Variants in TTC28 observed in about 807,000 individuals in gnomAD.
TTC28 encodes tetratricopeptide repeat protein 28.
Under a neutral mutation model 198.0 loss-of-function variants are expected in TTC28, and 61 were observed. The observed-to-expected ratio is 0.31, with a 90% CI of 0.25 to 0.38. TTC28 has a LOEUF of 0.38. TTC28 is among the 10% of genes least tolerant of loss of function. The pLI is 1.00. For synonymous variants in TTC28, 1,171 were observed against 1,297.8 expected, an observed-to-expected ratio of 0.90 and a Z score of 2.10; for missense variants, 2,678 against 3,164.0, an observed-to-expected ratio of 0.85 and a Z score of 3.69.
chr22:28,588,754 A>T (rs1032300404), intron 2 of TTC28, among the ~76,000 whole-genome samples: 4 of 152,218 alleles, frequency 2.6e-5, no homozygotes, highest in African/African-American at 9.6e-5. Flanking sequence ...CCATGTCCAC[A>T]GACAGTCAAT....
chr22:28,342,792 C>A (rs1201114081), intron 2 of TTC28, among the ~76,000 whole-genome samples: 3 of 152,174 alleles, frequency 2.0e-5, no homozygotes, highest in Non-Finnish European at 4.4e-5. Flanking sequence ...AGCTCTTGAT[C>A]ACATTATAGC....
intron 1 of TTC28, among the ~76,000 whole-genome samples, chr22:28,637,403 T>C (rs1338546213): frequency 6.6e-6 from 1 of 152,226 alleles, no homozygotes; most frequent in East Asian, 1.9e-4. Context: ...ATAGCCAGTT[T>C]TCCCAGGACC....
chr22:28,359,163 G>C (rs999611233), intron 2 of TTC28, among the ~76,000 whole-genome samples: 26 of 152,160 alleles, frequency 1.7e-4, no homozygotes, highest in African/African-American at 6.0e-4. Context: ...TTTATGAACT[G>C]AATTCTAGAA....
intron 6 of TTC28, among the ~76,000 whole-genome samples, chr22:28,125,676 CATA>C (rs1942897282): frequency 6.6e-6 from 1 of 152,150 alleles, no homozygotes; most frequent in South Asian, 2.1e-4. Flanking sequence ...GGCAGTAGTT[CATA>C]AAGATCTGCT....
intron 2 of TTC28, among the ~76,000 whole-genome samples, chr22:28,396,145 A>T (rs1359262675): frequency 6.6e-6 from 1 of 152,218 alleles, no homozygotes; most frequent in African/African-American, 2.4e-5. Flanking sequence ...CTAAAAGAAA[A>T]ACTTGACTTT....
At chr22:28,243,158 C>A (rs1297976141) in intron 5 of TTC28, among the ~76,000 whole-genome samples, 1 of 103,078 alleles carries the variant, frequency 9.7e-6, no homozygotes, top group Non-Finnish European at 1.9e-5. Flanking sequence ...GGCAACCTGG[C>A]AAAACCCCCT....
chr22:28,549,017 C>CT (rs1353058930), intron 2 of TTC28, among the ~76,000 whole-genome samples: 1 of 151,814 alleles, frequency 6.6e-6, no homozygotes, highest in Non-Finnish European at 1.5e-5. Flanking sequence ...CTAAATTCTA[C>CT]TTTTTTTTCT....
intron 3 of TTC28, among the ~76,000 whole-genome samples, chr22:28,306,081 T>C (rs2045138780): frequency 6.6e-6 from 1 of 152,202 alleles, no homozygotes; most frequent in African/African-American, 2.4e-5. Context: ...AAATGTCTTA[T>C]TTGAGTATTT....
chr22:28,461,162 T>A (rs980923614), intron 2 of TTC28, among the ~76,000 whole-genome samples: 2 of 152,244 alleles, frequency 1.3e-5, no homozygotes, highest in African/African-American at 4.8e-5. Flanking sequence ...AGTTACCTTC[T>A]ATTTTTCTAA....
At chr22:28,386,047 C>T (rs866606867) in intron 2 of TTC28, among the ~76,000 whole-genome samples, 14 of 151,812 alleles carry the variant, frequency 9.2e-5, no homozygotes, top group Middle Eastern at 6.8e-3. Context: ...GAGGCCGAGG[C>T]GGGCGGATCA....
intron 5 of TTC28, among the ~76,000 whole-genome samples, chr22:28,166,670 G>A (rs2046022523): frequency 6.6e-6 from 1 of 152,180 alleles, no homozygotes; most frequent in Non-Finnish European, 1.5e-5. Flanking sequence ...CACATTTAAA[G>A]CAGTGTGAAG....
chr22:28,522,552 G>A (rs2048929176), intron 2 of TTC28, among the ~76,000 whole-genome samples: 1 of 151,362 alleles, frequency 6.6e-6, no homozygotes, highest in South Asian at 2.1e-4. Flanking sequence ...TGCAGTAGAG[G>A]ATTAAAATTG....
rs192291278 is a variant in TTC28, at chr22:28,644,294, G to T, written c.103-14464C>A. On this transcript the variant is annotated intron_variant, in intron 1 of 22. Transcript: ENST00000397906. The stretch of plus-strand genomic sequence containing the variant: ...GGCACCTGTAGTCCCAGCTACTGAG[G>T]AGGCTGAGGCAGGAGAATGGCATGA... Among the ~76,000 whole-genome samples the T allele has an allele frequency of 1.5e-3, 222 of 151,928 alleles. 4 individuals are homozygous for T. The highest frequency in any genetic ancestry group is 4.9e-4 in the Non-Finnish European group (33 of 67,990).
At chr22:28,448,940 G>A (rs944767083) in intron 2 of TTC28, among the ~76,000 whole-genome samples, 1 of 152,162 alleles carries the variant, frequency 6.6e-6, no homozygotes, top group Non-Finnish European at 1.5e-5. Flanking sequence ...TGTAGACACT[G>A]TGAGAAAACA....
chr22:28,563,399 T>A (rs1009220495), intron 2 of TTC28, among the ~76,000 whole-genome samples: 64 of 152,296 alleles, frequency 4.2e-4, no homozygotes, highest in African/African-American at 1.5e-3. Flanking sequence ...AGGTAAGTAA[T>A]TCTTGGCAAA....
intron 2 of TTC28, among the ~76,000 whole-genome samples, chr22:28,594,705 T>C (rs1259207730): frequency 6.6e-6 from 1 of 152,082 alleles, no homozygotes; most frequent in Non-Finnish European, 1.5e-5. Flanking sequence ...AGTACTGAAA[T>C]AGATAGGATC....
chr22:28,057,834 GAT>G (rs1448483894), intron 12 of TTC28, among the ~76,000 whole-genome samples: 2 of 152,060 alleles, frequency 1.3e-5, no homozygotes, highest in East Asian at 3.9e-4. Context: ...GTTCCAGCAT[GAT>G]TTGTTGAAAA....
chr22:28,047,462 A>G (rs1298406514), intron 12 of TTC28, among the ~76,000 whole-genome samples: 1 of 152,176 alleles, frequency 6.6e-6, no homozygotes, highest in Non-Finnish European at 1.5e-5. Context: ...GCACAGCCAG[A>G]CGCCAAGGGC....
intron 12 of TTC28, among the ~76,000 whole-genome samples, chr22:28,083,228 T>TA (rs1450554106): frequency 6.6e-6 from 1 of 152,140 alleles, no homozygotes; most frequent in African/African-American, 2.4e-5. Context: ...CATTGACAGA[T>TA]ACACATACAG....
Sources: gnomAD v4.1 joint callset for allele counts (sites outside exome capture counted in the v4.1 genomes callset) on GRCh38, gnomAD v4.1.1 for gene constraint, MANE v1.5 for transcripts, NCBI Gene and HGNC (gene_info 2026-07-23, HGNC 2026-07-21) for gene names.